TRAPPC14: variants seen among roughly 807,000 people sequenced by gnomAD.
TRAPPC14 encodes the protein trafficking protein particle complex subunit 14.
Under a neutral mutation model 56.6 loss-of-function variants are expected in TRAPPC14, and 24 were observed. The observed-to-expected ratio is 0.42, with a 90% CI of 0.31 to 0.60. TRAPPC14 has a LOEUF of 0.60. TRAPPC14 is among the 20% of genes least tolerant of loss of function. The pLI is 0.14. For missense variants in TRAPPC14, 615 were observed against 790.3 expected (o/e 0.78, Z 2.66); for synonymous variants, 377 against 347.0 (o/e 1.09, Z -0.96).
chr7:100,157,747 A>G lies in TRAPPC14; in HGVS notation c.523T>C (p.Trp175Arg). The change falls in exon 3 of 11, where the codon TGG becomes CGG. Residue 175 changes from tryptophan to arginine, a missense_variant. By Grantham distance (101) the Trp-to-Arg change is moderately radical (BLOSUM62 -3). Transcript: ENST00000316937. ...TCTGGTGCCTCAATCTCCCGCTTCC[A>G]CACAGTCACTACAATCTGTCAAGAG... ...TPKAKIVVTV[W>R]KREIEAPEVR... The G allele has an allele frequency of 6.2e-7, 1 of 1,614,192 alleles. No individual in the cohort carries two copies. The highest frequency in any genetic ancestry group is 8.5e-7 in the Non-Finnish European group (1 of 1,180,030).
chr7:100,156,628 A>G lies in TRAPPC14; in HGVS notation c.1076+6T>C, dbSNP rs963450783. 2 of 1,611,462 alleles carry G rather than the reference A, an allele frequency of 1.2e-6. No homozygotes were observed. The highest frequency in any genetic ancestry group is 1.7e-5 in the Admixed American group (1 of 59,822). On this transcript the variant is annotated splice_donor_region_variant and intron_variant, in intron 7 of 10. Transcript: ENST00000316937. ...ACGCCACGATTCCTCCAGGATCCAC[A>G]CTCACCGGTAGTGGGTGTAGATGCT...
At chr7:100,155,197 A>G in intron 10 of TRAPPC14, 33 bp from the exon 11 acceptor site, 1 of 1,608,810 alleles carries the variant, frequency 6.2e-7, no homozygotes, top group South Asian at 1.1e-5. Flanking sequence ...GGCGCTGGTC[A>G]GACCCGGCAC....
intron 8 of TRAPPC14, chr7:100,156,130 GAAGTA>G (rs1798875198): frequency 3.2e-6 from 2 of 618,444 alleles, no homozygotes; most frequent in African/African-American, 1.8e-5. Context: ...GTAAAGGAGA[GAAGTA>G]GAGTTCACAC....
At position 100,155,289 on chromosome 7, in the gene TRAPPC14, T is replaced by A; in HGVS notation, c.1562A>T (p.Gln521Leu). The change falls in exon 10 of 11, where the codon CAG becomes CTG. Residue 521 changes from glutamine (Q) to leucine (L), a missense_variant. Gln to Leu is a moderately radical substitution (Grantham distance 113). Transcript: ENST00000316937. Reference sequence around the variant, plus strand: ...CATGAGGTGGCTTCGGGAAGGCTGCTGGTGGGAGAAGGACTGGGAGCGGCC... The same window carrying A: ...CATGAGGTGGCTTCGGGAAGGCTGCAGGTGGGAGAAGGACTGGGAGCGGCC... ...SLGRSQSFSH[Q>L]QPSRSHLMRS... The A allele has an allele frequency of 6.4e-7, 1 of 1,563,042 alleles. No individual in the cohort carries two copies. The highest frequency in any genetic ancestry group is 1.4e-5 in the African/African-American group (1 of 73,748).
At position 100,155,270 on chromosome 7, in the gene TRAPPC14, G is replaced by A. The variant is rs1288021162; in HGVS notation, c.1581C>T (p.His527=). The change falls in exon 10 of 11, where the codon CAC becomes CAT. Residue 527 remains histidine, a synonymous_variant. Transcript: ENST00000316937. ...SFSHQQPSRS[H]LMRSGSVMER... Reference sequence around the variant, plus strand: ...GCCCCCTGGTTCTGTACCTCATGAGGTGGCTTCGGGAAGGCTGCTGGTGGG... The same window carrying A: ...GCCCCCTGGTTCTGTACCTCATGAGATGGCTTCGGGAAGGCTGCTGGTGGG... 1.3e-6 allele frequency: 2 copies of A among 1,569,738 alleles called. No individual in the cohort carries two copies. Among genetic ancestry groups the A allele is most frequent in the African/African-American group, 1.4e-5 (1 of 74,028 alleles).
At chr7:100,156,136 G>C in intron 8 of TRAPPC14, 3 of 617,556 alleles carry the variant, frequency 4.9e-6, no homozygotes, top group Non-Finnish European at 8.7e-6. Context: ...GAGAGAAGTA[G>C]AGTTCACACC....
intron 9 of TRAPPC14, 27 bp from the exon 10 acceptor site, chr7:100,155,482 C>A: frequency 6.6e-7 from 1 of 1,513,612 alleles, no homozygotes; most frequent in Admixed American, 2.3e-5. Flanking sequence ...GTCAGCATGC[C>A]AGCTCGGCTT....
At position 100,155,718 on chromosome 7, in the gene TRAPPC14, G is replaced by A. The variant is rs1449265398; in HGVS notation, c.1348C>T (p.Leu450Phe). The A allele has an allele frequency of 1.2e-6, 2 of 1,613,944 alleles. No individual in the cohort carries two copies. Among genetic ancestry groups the A allele is most frequent in the Non-Finnish European group, 1.7e-6 (2 of 1,179,852 alleles). ...GCCTGGAAGGCCACACTGAAGGTGA[G>A]CGCGCTGCCCTTCCGGGAAAAGCCA... Reference protein sequence around the residue: ...NLGFSRKGSALTFSVAFQALR... With the variant: ...NLGFSRKGSAFTFSVAFQALR... Residue 450 changes from leucine (L) to phenylalanine (F), a missense_variant, in exon 9 of 11, where the codon CTC becomes TTC. Transcript: ENST00000316937.
chr7:100,158,162 C>T lies in TRAPPC14; in HGVS notation c.338G>A (p.Gly113Glu). Residue 113 changes from glycine (G) to glutamate (E), a missense_variant, in exon 1 of 11, where the codon GGG becomes GAG. By Grantham distance (98) the Gly-to-Glu change is moderately conservative. Coordinates refer to ENST00000316937, the MANE Select transcript of TRAPPC14 (RefSeq NM_018275.5). ...EPPGGGDPGG[G>E]GLFRGCSPLL... ...GGGGCTGCAGCCTCGGAACAAACCC[C>T]CACCCCCAGGATCCCCTCCCCCTGG... 1 of 1,459,412 alleles carries T rather than the reference C, an allele frequency of 6.9e-7. No individual in the cohort carries two copies. Among genetic ancestry groups the T allele is most frequent in the Non-Finnish European group, 9.0e-7 (1 of 1,113,900 alleles). The allele number at this position is 1,459,412 out of a possible 1,614,324, so 90.4% of individuals were successfully genotyped here.
At chr7:100,155,902 C>T in intron 8 of TRAPPC14, 77 bp from the exon 9 acceptor site, 1 of 1,579,450 alleles carries the variant, frequency 6.3e-7, no homozygotes, top group East Asian at 2.2e-5. Context: ...ACAGTCTCAT[C>T]TGATTCTCAA....
In TRAPPC14 at chr7:100,156,499, C is replaced by A. The variant is rs1166634047; in HGVS notation, c.1127G>T (p.Cys376Phe). The change falls in exon 8 of 11, where the codon TGT (cysteine) becomes TTT (phenylalanine). Residue 376 changes from cysteine to phenylalanine, a missense_variant. By Grantham distance (205) the Cys-to-Phe change is radical (BLOSUM62 -2). Coordinates refer to ENST00000316937, the MANE Select transcript of TRAPPC14 (RefSeq NM_018275.5). The stretch of plus-strand genomic sequence containing the variant: ...CTCGTAGGTCCGAACAGGGGACTTA[C>A]AAGAAGCGGTCATCACAAAACACGG... ...DRPCFVMTAS[C>F]KSPVRTYERF... 1.2e-6 allele frequency: 2 copies of A among 1,614,150 alleles called. No individual in the cohort carries two copies. Among genetic ancestry groups the A allele is most frequent in the Non-Finnish European group, 8.5e-7 (1 of 1,180,026 alleles).
chr7:100,155,634 A>G (rs1223836223), intron 9 of TRAPPC14, 37 bp downstream of exon 9: 6 of 1,552,074 alleles, frequency 3.9e-6, no homozygotes, highest in Non-Finnish European at 5.2e-6. Context: ...AGCATTCTGC[A>G]TCACTCAGCA....
At chr7:100,155,557 C>T in intron 9 of TRAPPC14, 102 bp from the exon 10 acceptor site, 1 of 1,505,796 alleles carries the variant, frequency 6.6e-7, no homozygotes, top group Non-Finnish European at 8.9e-7. Flanking sequence ...AATCTAAATC[C>T]CACCTTCCCT....
chr7:100,158,698 C>T lies in TRAPPC14; in HGVS notation c.-199G>A, dbSNP rs1798940504. On this transcript the variant is annotated 5_prime_UTR_variant, in exon 1 of 11. Transcript: ENST00000316937. The stretch of plus-strand genomic sequence containing the variant: ...CAGCGCCGGAACCGGGGTACTGAGC[C>T]GAATGACTGGAGAGAAACAGGAAGC... 6.7e-6 allele frequency: 3 copies of T among 445,574 alleles called. No homozygotes were observed. The highest frequency in any genetic ancestry group is 7.4e-6 in the Non-Finnish European group (2 of 269,088). The allele number at this position is 445,574 out of a possible 1,614,324, so 27.6% of individuals were successfully genotyped here. A position where few individuals can be genotyped will look rare whatever the true frequency, so the allele number is the denominator to read the frequency against.
Position 100,156,959 on chromosome 7 carries a change from G to A in TRAPPC14, c.879C>T (p.Phe293=). Residue 293 remains phenylalanine, a synonymous_variant, in exon 6 of 11, where the codon TTC becomes TTT. Coordinates refer to ENST00000316937, the MANE Select transcript of TRAPPC14 (RefSeq NM_018275.5). Reference sequence around the variant, plus strand: ...AGCCAGAGGTCCCGGGTAGGCGGCAGAAGGAGCCCATGGAGACTTCCCCAG... The same window carrying A: ...AGCCAGAGGTCCCGGGTAGGCGGCAAAAGGAGCCCATGGAGACTTCCCCAG... ...HQSGEVSMGS[F]CRLPGTSGCF... The A allele has an allele frequency of 6.2e-7, 1 of 1,614,064 alleles. No homozygotes were observed. Among genetic ancestry groups the A allele is most frequent in the Non-Finnish European group, 8.5e-7 (1 of 1,180,016 alleles).
chr7:100,155,766 A>G lies in TRAPPC14; in HGVS notation c.1300T>C (p.Cys434Arg). 1 of 1,614,216 alleles carries G rather than the reference A, an allele frequency of 6.2e-7. No individual in the cohort carries two copies. Among genetic ancestry groups the G allele is most frequent in the Non-Finnish European group, 8.5e-7 (1 of 1,180,030 alleles). ...AMQAALDSVV[C>R]HTPLNNLGFS... ...CCAAGGTTGTTGAGGGGCGTGTGGC[A>G]GACGACGGAGTCCAGGGCAGCCTGC... The change falls in exon 9 of 11, where the codon TGC (cysteine) becomes CGC (arginine). Residue 434 changes from cysteine to arginine, a missense_variant. Transcript: ENST00000316937.
At chr7:100,157,545 G>A (rs899041653) in intron 3 of TRAPPC14, 86 bp from the exon 4 acceptor site, 30 of 1,605,178 alleles carry the variant, frequency 1.9e-5, no homozygotes, top group Non-Finnish European at 8.5e-7. Flanking sequence ...TCTTCTCAGA[G>A]CCCATTAGCC....
rs372476416 is a variant in TRAPPC14, at chr7:100,157,006, G to C, written c.846-14C>G. On this transcript the variant is annotated splice_polypyrimidine_tract_variant and intron_variant, in intron 5 of 10. Transcript: ENST00000316937. ...CCAGACTGGTGACTAGCTCAGAAAA[G>C]AGGACAAGGCATGGTCTCCCCATGC... is the stretch of plus-strand genomic sequence containing the variant. 7 of 1,614,072 alleles carry C rather than the reference G, an allele frequency of 4.3e-6. No homozygotes were observed. Among genetic ancestry groups the C allele is most frequent in the South Asian group, 1.1e-5 (1 of 91,082 alleles).
rs1798935350 is a variant in TRAPPC14 at position 100,158,514 on chromosome 7, G to A, written c.-15C>T. On this transcript the variant is annotated 5_prime_UTR_variant, in exon 1 of 11. Coordinates refer to ENST00000316937, the MANE Select transcript of TRAPPC14 (RefSeq NM_018275.5). Reference sequence around the variant, plus strand: ...TGGGACTCCATGGGGCGGCGAGGACGGCGCGACTGGGAGCCCGGACCGGAG... The same window carrying A: ...TGGGACTCCATGGGGCGGCGAGGACAGCGCGACTGGGAGCCCGGACCGGAG... 5 of 1,310,612 alleles carry A rather than the reference G, an allele frequency of 3.8e-6. No homozygotes were observed. Among genetic ancestry groups the A allele is most frequent in the Non-Finnish European group, 9.7e-7 (1 of 1,031,662 alleles). 81.2% of individuals were successfully genotyped at this position (1,310,612 alleles called of 1,614,324 possible).
Sources: gnomAD v4.1 joint callset for allele counts on GRCh38, gnomAD v4.1.1 for gene constraint, MANE v1.5 for transcripts, NCBI Gene and HGNC (gene_info 2026-07-23, HGNC 2026-07-21) for gene names.